Variants in ENPP1 observed in about 807,000 individuals in gnomAD.
The protein encoded by ENPP1 is ectonucleotide pyrophosphatase/phosphodiesterase family member 1.
ENPP1 carries 73 observed loss-of-function variants against 122.8 expected under a neutral mutation model. The ratio of observed to expected loss-of-function variants is 0.59; its 90% CI spans 0.49 to 0.72. The LOEUF (loss-of-function observed/expected upper bound fraction) is 0.72. Among genes scored for constraint, ENPP1 ranks in the 30% least tolerant of loss-of-function variants. ENPP1 has a pLI of 0.00. For synonymous variants in ENPP1, 367 were observed against 391.6 expected, an observed-to-expected ratio of 0.94 and a Z score of 0.74; for missense variants, 978 against 1,128.1, an observed-to-expected ratio of 0.87 and a Z score of 1.91.
intron 7 of ENPP1, 102 bp downstream of exon 7, chr6:131,858,849 T>A: frequency 1.1e-6 from 1 of 883,656 alleles, no homozygotes. Context: ...CAACTTATTT[T>A]CCAATAGGTA....
chr6:131,827,290 G>A (rs1232202358), intron 1 of ENPP1: 16 of 1,328,642 alleles, frequency 1.2e-5, no homozygotes, highest in Admixed American at 3.4e-5. Flanking sequence ...GAATAAAAAG[G>A]ATCATACTGA....
chr6:131,809,117 T>C (rs1002141746), intron 1 of ENPP1, among the ~76,000 whole-genome samples: 4 of 152,134 alleles, frequency 2.6e-5, no homozygotes, highest in Admixed American at 1.3e-4. Context: ...TCAACTCCCT[T>C]GTGCATTGCA....
At chr6:131,826,896 C>T in intron 1 of ENPP1, 1 of 382,450 alleles carries the variant, frequency 2.6e-6, no homozygotes, top group Non-Finnish European at 4.9e-6. Flanking sequence ...CCTTCAGATT[C>T]TTCAGGTGAA....
At chr6:131,844,578 A>G (rs1257515541) in intron 1 of ENPP1, among the ~76,000 whole-genome samples, 2 of 143,978 alleles carry the variant, frequency 1.4e-5, no homozygotes, top group Admixed American at 1.3e-4. Context: ...GAATGAACTG[A>G]TGAAGAATGA....
chr6:131,861,907 C>G (rs145273327), intron 9 of ENPP1, among the ~76,000 whole-genome samples: 258 of 152,186 alleles, frequency 1.7e-3, no homozygotes, highest in African/African-American at 5.9e-3. Flanking sequence ...TGGTGGCTCA[C>G]TCCTGTAATC....
chr6:131,863,848 G>A (rs1348522727), intron 9 of ENPP1, among the ~76,000 whole-genome samples: 2 of 152,030 alleles, frequency 1.3e-5, no homozygotes. Context: ...CCCGGGAGGT[G>A]GAGATTGCAG....
At chr6:131,877,866 A>AAAAAATATATATAT (rs1562183349) in intron 18 of ENPP1, 1 of 53,018 alleles carries the variant, frequency 1.9e-5, no homozygotes. Flanking sequence ...AAAAAAAAAA[A>AAAAAATATATATAT]ATATATATAT....
rs370667050 is a variant in ENPP1 at position 131,845,974 on chromosome 6, C to T, written c.241-1802C>T. Among the ~76,000 whole-genome samples the T allele has an allele frequency of 2.0e-5, 3 of 152,232 alleles. No homozygotes were observed. The East Asian group carries it at 5.8e-4, about 29-fold the overall frequency. Reference sequence around the variant, plus strand: ...ATCCTTAAAGAAGGCTAACCTTTTGCTTTCTTTGCAAAAACTCTTCCTTTC... The same window carrying T: ...ATCCTTAAAGAAGGCTAACCTTTTGTTTTCTTTGCAAAAACTCTTCCTTTC... On this transcript the variant is annotated intron_variant, in intron 1 of 24. Transcript: ENST00000647893.
intron 8 of ENPP1, among the ~76,000 whole-genome samples, chr6:131,861,388 C>T (rs1469801004): frequency 6.6e-6 from 1 of 152,122 alleles, no homozygotes; most frequent in Non-Finnish European, 1.5e-5. Flanking sequence ...GCTCCAAAAG[C>T]TACAGGAGTT....
At chr6:131,855,156 C>T (rs1781929866) in intron 6 of ENPP1, 133 bp downstream of exon 6, 1 of 729,176 alleles carries the variant, frequency 1.4e-6, no homozygotes, top group East Asian at 2.6e-5. Context: ...AGTAGTTGAA[C>T]CTTGTGTAAG....
chr6:131,863,883 T>A (rs1473788879), intron 9 of ENPP1, among the ~76,000 whole-genome samples: 2 of 152,026 alleles, frequency 1.3e-5, no homozygotes, highest in Non-Finnish European at 2.9e-5. Flanking sequence ...GCCACTGCAC[T>A]CCAGCCTGGT....
At chr6:131,850,220 A>G in intron 3 of ENPP1, 114 bp downstream of exon 3, 1 of 802,802 alleles carries the variant, frequency 1.2e-6, no homozygotes. Flanking sequence ...TTTTTAGTTT[A>G]GCATACATAC....
At chr6:131,863,788 C>T (rs373047326) in intron 9 of ENPP1, among the ~76,000 whole-genome samples, 9 of 151,020 alleles carry the variant, frequency 6.0e-5, no homozygotes, top group Non-Finnish European at 1.0e-4. Context: ...TGGTGGTGCA[C>T]GCCTGTAGTC....
intron 1 of ENPP1, among the ~76,000 whole-genome samples, chr6:131,823,526 C>T (rs760509451): frequency 3.0e-4 from 45 of 152,252 alleles, no homozygotes; most frequent in Admixed American, 5.9e-4. Context: ...TGACATTCAG[C>T]TCAGCCTTGT....
intron 1 of ENPP1, among the ~76,000 whole-genome samples, chr6:131,812,267 C>T (rs1781364446): frequency 6.6e-6 from 1 of 152,174 alleles, no homozygotes; most frequent in South Asian, 2.1e-4. Flanking sequence ...AAAAGTGTTC[C>T]TATTCCTGAA....
intron 5 of ENPP1, among the ~76,000 whole-genome samples, chr6:131,854,356 T>C (rs1264846656): frequency 1.3e-5 from 2 of 152,044 alleles, no homozygotes; most frequent in East Asian, 3.9e-4. Flanking sequence ...GAAGCTGCAG[T>C]GAGCTGTGAT....
intron 6 of ENPP1, among the ~76,000 whole-genome samples, chr6:131,858,340 T>C (rs1321237615): frequency 6.6e-6 from 1 of 152,248 alleles, no homozygotes; most frequent in Non-Finnish European, 1.5e-5. Flanking sequence ...CTACCTCTTA[T>C]GATTTAGGTA....
chr6:131,880,162 A>G (rs1201047527), intron 20 of ENPP1, 128 bp downstream of exon 20: 1 of 981,276 alleles, frequency 1.0e-6, no homozygotes, highest in Non-Finnish European at 1.6e-6. Flanking sequence ...AACACTGAAG[A>G]GGGAGTCAGA....
chr6:131,808,415 T>A (rs914121188), intron 1 of ENPP1, 140 bp downstream of exon 1: 1 of 1,140,908 alleles, frequency 8.8e-7, no homozygotes, highest in African/African-American at 1.6e-5. Flanking sequence ...GCCCGCGCGC[T>A]CTCCTCCGCA....
Sources: gnomAD v4.1 joint callset for allele counts (sites outside exome capture counted in the v4.1 genomes callset) on GRCh38, gnomAD v4.1.1 for gene constraint, MANE v1.5 for transcripts, NCBI Gene and HGNC (gene_info 2026-07-23, HGNC 2026-07-21) for gene names.